The following NYNRIN variants were observed in gnomAD, a reference collection of about 807,000 sequenced individuals.
NYNRIN encodes the protein protein NYNRIN.
In NYNRIN, 86 loss-of-function variants were observed where a neutral mutation model predicts 146.6. That is an observed-to-expected ratio of 0.59 (90% CI 0.49 to 0.70). The LOEUF is 0.70. Among genes scored for constraint, NYNRIN ranks in the 30% least tolerant of loss-of-function variants. The probability of loss-of-function intolerance (pLI) is 0.00; values close to 1 mark genes in which losing one functional copy is unlikely to be tolerated. For missense variants in NYNRIN, 2,191 were observed against 2,377.7 expected (o/e 0.92, Z 1.63); for synonymous variants, 1,027 against 1,001.3 (o/e 1.03, Z -0.48).
chr14:24,401,977 T>A (rs1380703713), intron 2 of NYNRIN, among the ~76,000 whole-genome samples: 1 of 152,152 alleles, frequency 6.6e-6, no homozygotes, highest in Non-Finnish European at 1.5e-5. Flanking sequence ...AGTGGCATAC[T>A]GAACATAGGC....
At position 24,416,375 on chromosome 14, in the gene NYNRIN, G is replaced by A; in HGVS notation, c.4626G>A (p.Arg1542=). 1 of 1,613,156 alleles carries A rather than the reference G, an allele frequency of 6.2e-7. No homozygotes were observed. The highest frequency in any genetic ancestry group is 8.5e-7 in the Non-Finnish European group (1 of 1,179,510). Residue 1542 remains arginine, a synonymous_variant, in exon 9 of 9, where the codon AGG becomes AGA. Transcript: ENST00000382554. ...RVWVVPTQLR[R]DLIFSVHDIP... ...GGGTAGTCCCGACGCAACTCCGGAG[G>A]GATCTGATTTTCTCTGTGCATGACA...
At position 24,409,740 on chromosome 14, in the gene NYNRIN, C is replaced by T; in HGVS notation, c.1946C>T (p.Pro649Leu). ...GPKTPKAQAG[P>L]AATVSKAPAA... ...AAAACACCCAAAGCTCAAGCCGGGC[C>T]TGCAGCTACAGTTTCCAAAGCACCT... is the stretch of plus-strand genomic sequence containing the variant. The change falls in exon 4 of 9, where the codon CCT becomes CTT. Residue 649 changes from proline to leucine, a missense_variant. By Grantham distance (98) the Pro-to-Leu change is moderately conservative. This residue lies in a region of NYNRIN where 895 missense variants were observed against 941.2 expected (regional missense o/e 0.95). Coordinates refer to ENST00000382554, the MANE Select transcript of NYNRIN (RefSeq NM_025081.3). 6.2e-7 allele frequency: 1 copy of T among 1,605,370 alleles called. No individual in the cohort carries two copies. The highest frequency in any genetic ancestry group is 1.1e-5 in the South Asian group (1 of 90,130).
At position 24,405,031 on chromosome 14, in the gene NYNRIN, A is replaced by T. The variant is rs12437084; in HGVS notation, c.199-2838A>T. On this transcript the variant is annotated intron_variant, in intron 2 of 8. Coordinates refer to ENST00000382554, the MANE Select transcript of NYNRIN (RefSeq NM_025081.3). The stretch of plus-strand genomic sequence containing the variant: ...GTGTGTGTGTGTGTGTGTGTGTGAG[A>T]GAATGTGTGTGTGTGAATGTGTGTG... Among the ~76,000 whole-genome samples, 196 of 99,902 alleles carry T rather than the reference A, an allele frequency of 2.0e-3. 1 individual carries two copies. Among genetic ancestry groups the T allele is most frequent in the Admixed American group, 0.011 (84 of 7,662 alleles). The allele number at this position is 99,902 out of a possible 152,430, so 65.5% of individuals were successfully genotyped here.
chr14:24,401,158 C>A (rs1272911326), intron 2 of NYNRIN, among the ~76,000 whole-genome samples: 1 of 152,212 alleles, frequency 6.6e-6, no homozygotes, highest in Non-Finnish European at 1.5e-5. Flanking sequence ...CTTCTCCAGG[C>A]CTACCTGCTC....
chr14:24,408,349 C>A lies in NYNRIN; in HGVS notation c.679C>A (p.Gln227Lys). 1.2e-6 allele frequency: 2 copies of A among 1,613,874 alleles called. No homozygotes were observed. Among genetic ancestry groups the A allele is most frequent in the Non-Finnish European group, 1.7e-6 (2 of 1,179,892 alleles). ...DPEVLICPPQQQKEAPAMVSV... is the reference protein window; with the variant it reads ...DPEVLICPPQKQKEAPAMVSV... ...GGAGGTTCTAATCTGCCCTCCCCAG[C>A]AGCAGAAGGAAGCCCCAGCCATGGT... Residue 227 changes from glutamine to lysine, a missense_variant, in exon 3 of 9, where the codon CAG becomes AAG. Physicochemically the swap from Gln to Lys is moderately conservative, Grantham distance 53. Around this residue, in one of 3 missense-constraint regions of NYNRIN, gnomAD observed 895 missense variants for 941.2 expected, o/e 0.95. Coordinates refer to ENST00000382554, the MANE Select transcript of NYNRIN (RefSeq NM_025081.3).
intron 8 of NYNRIN, among the ~76,000 whole-genome samples, 194 bp downstream of exon 8, chr14:24,413,611 T>C (rs1193113710): frequency 6.6e-6 from 1 of 152,278 alleles, no homozygotes; most frequent in African/African-American, 2.4e-5. Context: ...TGAAAGCACA[T>C]ATGTAGAATG....
At chr14:24,413,609 C>T (rs1021594963) in intron 8 of NYNRIN, among the ~76,000 whole-genome samples, 192 bp downstream of exon 8, 25 of 152,366 alleles carry the variant, frequency 1.6e-4, no homozygotes, top group African/African-American at 6.0e-4. Context: ...TATGAAAGCA[C>T]ATATGTAGAA....
At position 24,417,644 on chromosome 14, in the gene NYNRIN, T is replaced by C; in HGVS notation, c.*198T>C. ...TGGAAACATCCCCAGTTTGGGGTAC[T>C]TGGAGAATTTGCCAAAGGCTGTCAG... On this transcript the variant is annotated 3_prime_UTR_variant, in exon 9 of 9. Transcript: ENST00000382554. 1 of 751,586 alleles carries C rather than the reference T, an allele frequency of 1.3e-6. No homozygotes were observed. Among genetic ancestry groups the C allele is most frequent in the Non-Finnish European group, 1.9e-6 (1 of 517,610 alleles). The allele number at this position is 751,586 out of a possible 1,614,324, so 46.6% of individuals were successfully genotyped here.
rs192785953 is a variant in NYNRIN at position 24,403,979 on chromosome 14, T to C, written c.199-3890T>C. ...TGGTCATTTGTGTGAGATGTTTTTT[T>C]CTCTGGAAGTTGTCAGTTTTCCCCA... On this transcript the variant is annotated intron_variant, in intron 2 of 8. Coordinates refer to ENST00000382554, the MANE Select transcript of NYNRIN (RefSeq NM_025081.3). Among the ~76,000 whole-genome samples the C allele has an allele frequency of 2.0e-4, 31 of 152,340 alleles. No individual in the cohort carries two copies. The East Asian group carries it at 5.8e-3, about 28-fold the overall frequency.
In NYNRIN at chr14:24,416,617, G is replaced by A; in HGVS notation, c.4868G>A (p.Gly1623Asp). Residue 1623 changes from glycine to aspartate, a missense_variant, in exon 9 of 9, where the codon GGC becomes GAC. By Grantham distance (94) the Gly-to-Asp change is moderately conservative. This residue lies in a region of NYNRIN where 1,291 missense variants were observed against 1,417.0 expected (regional missense o/e 0.91). Coordinates refer to ENST00000382554, the MANE Select transcript of NYNRIN (RefSeq NM_025081.3). Reference sequence around the variant, plus strand: ...TCGAACCTGCAGATCGAGGTGGTGGGCCCGGTCACCATAAGTGAGGAGGGC... The same window carrying A: ...TCGAACCTGCAGATCGAGGTGGTGGACCCGGTCACCATAAGTGAGGAGGGC... ...PWSNLQIEVV[G>D]PVTISEEGHK... 1 of 1,613,930 alleles carries A rather than the reference G, an allele frequency of 6.2e-7. No homozygotes were observed. The highest frequency in any genetic ancestry group is 8.5e-7 in the Non-Finnish European group (1 of 1,179,884).
At chr14:24,412,841 A>C in intron 6 of NYNRIN, 156 bp from the exon 7 acceptor site, 1 of 559,858 alleles carries the variant, frequency 1.8e-6, no homozygotes. Flanking sequence ...TGCATAGAGA[A>C]GGGGATGGGC....
rs45514499 is a variant in NYNRIN at position 24,417,453 on chromosome 14, G to A, written c.*7G>A. 2,091 of 1,462,906 alleles carry A rather than the reference G, an allele frequency of 1.4e-3. 3 individuals are homozygous for A. The highest frequency in any genetic ancestry group is 3.1e-3 in the Middle Eastern group (13 of 4,166). 90.6% of individuals were successfully genotyped at this position (1,462,906 alleles called of 1,614,324 possible). ...CAAGGTCTTGGAGCAGTGAGCGGGA[G>A]CAGCGGGGGTGCCCCCTGCCCCAGG... On this transcript the variant is annotated 3_prime_UTR_variant, in exon 9 of 9. Coordinates refer to ENST00000382554, the MANE Select transcript of NYNRIN (RefSeq NM_025081.3).
intron 2 of NYNRIN, among the ~76,000 whole-genome samples, chr14:24,403,991 G>T (rs1848399171): frequency 6.6e-6 from 1 of 152,188 alleles, no homozygotes; most frequent in Admixed American, 6.5e-5. Flanking sequence ...TCTGGAAGTT[G>T]TCAGTTTTCC....
chr14:24,417,786 G>A lies in NYNRIN; in HGVS notation c.*340G>A, dbSNP rs549677336. On this transcript the variant is annotated 3_prime_UTR_variant, in exon 9 of 9. Coordinates refer to ENST00000382554, the MANE Select transcript of NYNRIN (RefSeq NM_025081.3). ...CCTTCACATGTAGGTGTGTGGTGGTGTGCACACACACTCACGAAAGAATCT... is the reference window on the plus strand; with the variant it reads ...CCTTCACATGTAGGTGTGTGGTGGTATGCACACACACTCACGAAAGAATCT... The A allele has an allele frequency of 2.3e-5, 6 of 256,442 alleles. No homozygotes were observed. Among genetic ancestry groups the A allele is most frequent in the East Asian group, 1.7e-4 (2 of 11,762 alleles). The allele number at this position is 256,442 out of a possible 1,614,324, so 15.9% of individuals were successfully genotyped here.
chr14:24,414,815 G>A lies in NYNRIN; in HGVS notation c.3066G>A (p.Ser1022=), dbSNP rs185374982. The change falls in exon 9 of 9, where the codon TCG becomes TCA. Residue 1022 remains serine (S), a synonymous_variant. Transcript: ENST00000382554. ...CTGAGGAGGACGACCTTGACTCTTC[G>A]CTGGCGTCAGTGTTCAGGGTGGAGT... ...KAAEEDDLDS[S]LASVFRVECP... is the part of the protein sequence containing the mutation. 15 of 1,613,634 alleles carry A rather than the reference G, an allele frequency of 9.3e-6. 1 individual carries two copies. In the East Asian group the frequency reaches 2.7e-4, roughly 29 times the overall value.
At position 24,409,505 on chromosome 14, in the gene NYNRIN, C is replaced by T. The variant is rs766088225; in HGVS notation, c.1711C>T (p.Pro571Ser). The change falls in exon 4 of 9, where the codon CCT (proline) becomes TCT (serine). Residue 571 changes from proline to serine, a missense_variant. Physicochemically the swap from Pro to Ser is moderately conservative, Grantham distance 74. Transcript: ENST00000382554. The part of the protein sequence containing the change: ...TQVPSAAPKL[P>S]TSRMMLAVHT... ...AGTGCCATCTGCAGCTCCCAAACTG[C>T]CTACATCTCGAATGATGCTGGCAGT... 1 of 1,613,580 alleles carries T rather than the reference C, an allele frequency of 6.2e-7. No homozygotes were observed. Among genetic ancestry groups the T allele is most frequent in the African/African-American group, 1.3e-5 (1 of 74,940 alleles).
In NYNRIN at chr14:24,416,467, C is replaced by T. The variant is rs531468217; in HGVS notation, c.4718C>T (p.Pro1573Leu). Residue 1573 changes from proline (P) to leucine (L), a missense_variant, in exon 9 of 9, where the codon CCT becomes CTT. By Grantham distance (98) the Pro-to-Leu change is moderately conservative (BLOSUM62 -3). This residue lies in a region of NYNRIN where 1,291 missense variants were observed against 1,417.0 expected (regional missense o/e 0.91). Coordinates refer to ENST00000382554, the MANE Select transcript of NYNRIN (RefSeq NM_025081.3). ...AAGTTGCGTTTGCTGGGGTGGTGGC[C>T]TGGGATGCAGGAGCATGTGAAAGAT... ...YKKLRLLGWWPGMQEHVKDYC... is the reference protein window; with the variant it reads ...YKKLRLLGWWLGMQEHVKDYC... The T allele has an allele frequency of 1.9e-5, 30 of 1,613,250 alleles. No homozygotes were observed. Among genetic ancestry groups the T allele is most frequent in the Admixed American group, 1.3e-4 (8 of 59,908 alleles).
At chr14:24,399,549 C>T (rs1360519631) in intron 2 of NYNRIN, 105 bp downstream of exon 2, 77 of 1,063,890 alleles carry the variant, frequency 7.2e-5, no homozygotes, top group Non-Finnish European at 1.0e-4. Context: ...ACCCTGCCCC[C>T]GCCTGGATTT....
At chr14:24,404,950 C>G (rs902990897) in intron 2 of NYNRIN, among the ~76,000 whole-genome samples, 1 of 151,776 alleles carries the variant, frequency 6.6e-6, no homozygotes, top group Non-Finnish European at 1.5e-5. Context: ...TTTTGTACTC[C>G]CTGGAGAACA....
Sources: allele counts gnomAD v4.1 joint callset (sites outside exome capture counted in the v4.1 genomes callset), GRCh38; gene constraint gnomAD v4.1.1; regional missense constraint gnomAD v4.1.1; transcripts MANE v1.5; gene names NCBI Gene and HGNC (gene_info 2026-07-23, HGNC 2026-07-21).